The following SCHIP1 variants were observed in gnomAD, a reference collection of about 807,000 sequenced individuals.
SCHIP1 encodes schwannomin-interacting protein 1.
Under a neutral mutation model 29.7 loss-of-function variants are expected in SCHIP1, and 8 were observed. The ratio of observed to expected loss-of-function variants is 0.27; its 90% CI spans 0.16 to 0.49. The LOEUF (loss-of-function observed/expected upper bound fraction) is 0.49, where lower values mean the gene tolerates loss of function less well. Ranked by LOEUF, SCHIP1 falls within the 20% of genes least tolerant of loss-of-function variation. The pLI, the probability that SCHIP1 is intolerant of heterozygous loss-of-function variation, is 0.99. For synonymous variants in SCHIP1, 76 were observed against 94.9 expected (o/e 0.80, Z 1.16); for missense variants, 193 against 294.6 (o/e 0.66, Z 2.52).
the SCHIP1 span, among the ~76,000 whole-genome samples, chr3:159,477,769 T>A: frequency 6.6e-6 from 1 of 152,174 alleles, no homozygotes; most frequent in Non-Finnish European, 1.5e-5. Flanking sequence ...GTGCAAAAAC[T>A]TTTTAGCTTG....
the SCHIP1 span, among the ~76,000 whole-genome samples, chr3:159,724,928 G>A: frequency 6.6e-6 from 1 of 152,214 alleles, no homozygotes; most frequent in African/African-American, 2.4e-5. Flanking sequence ...TGTTTTTACT[G>A]AGATGCATTT....
chr3:159,610,722 G>T, the SCHIP1 span, among the ~76,000 whole-genome samples: 1 of 152,002 alleles, frequency 6.6e-6, no homozygotes. Context: ...CCAGAGGTCT[G>T]GTATAGAATG....
the SCHIP1 span, among the ~76,000 whole-genome samples, chr3:159,637,958 A>G: frequency 3.3e-4 from 50 of 152,368 alleles, 2 homozygotes; most frequent in East Asian, 6.0e-3. Context: ...CATGTAGTCC[A>G]TCTATGTATC....
At chr3:159,693,976 C>G in the SCHIP1 span, among the ~76,000 whole-genome samples, 1 of 152,128 alleles carries the variant, frequency 6.6e-6, no homozygotes, top group Non-Finnish European at 1.5e-5. Flanking sequence ...TCGCTTTGTA[C>G]TTTACTCAGC....
At chr3:159,875,019 A>T (rs539070059) in intron 2 of SCHIP1, among the ~76,000 whole-genome samples, 4 of 62,816 alleles carry the variant, frequency 6.4e-5, no homozygotes, top group African/African-American at 2.9e-4. Context: ...TGGGTAGTCT[A>T]AAAAAAAAAA....
the SCHIP1 span, among the ~76,000 whole-genome samples, chr3:159,339,932 TG>T: frequency 1.3e-5 from 2 of 152,122 alleles, no homozygotes; most frequent in African/African-American, 4.8e-5. Flanking sequence ...TAAAATACAA[TG>T]ATGATTTTGA....
the SCHIP1 span, among the ~76,000 whole-genome samples, chr3:159,776,306 G>T: frequency 6.9e-6 from 1 of 143,904 alleles, no homozygotes. Context: ...ATTTTATTTT[G>T]AACAACTACA....
the SCHIP1 span, among the ~76,000 whole-genome samples, chr3:159,327,066 C>T: frequency 8.6e-5 from 13 of 152,032 alleles, no homozygotes; most frequent in African/African-American, 1.9e-4. Flanking sequence ...GGTTTTTATA[C>T]GGAGGAAAAT....
intron 2 of SCHIP1, among the ~76,000 whole-genome samples, chr3:159,879,722 C>T (rs573871673): frequency 6.6e-6 from 1 of 152,246 alleles, no homozygotes; most frequent in African/African-American, 2.4e-5. Context: ...AATTTAATTA[C>T]ATGAAAGTGG....
chr3:159,630,047 G>T, the SCHIP1 span, among the ~76,000 whole-genome samples: 1 of 152,166 alleles, frequency 6.6e-6, no homozygotes, highest in Non-Finnish European at 1.5e-5. Flanking sequence ...GAAAGACAGT[G>T]GCAGCCAAAG....
At chr3:159,566,492 G>A in the SCHIP1 span, among the ~76,000 whole-genome samples, 1 of 152,066 alleles carries the variant, frequency 6.6e-6, no homozygotes, top group Non-Finnish European at 1.5e-5. Context: ...TAAATAGAAT[G>A]TACATTATGT....
chr3:159,822,949 G>A, the SCHIP1 span, among the ~76,000 whole-genome samples: 4 of 152,138 alleles, frequency 2.6e-5, no homozygotes, highest in African/African-American at 9.6e-5. Flanking sequence ...CACCTCTTGA[G>A]AGCCATAGGA....
chr3:159,877,368 G>C (rs955662021), intron 2 of SCHIP1, among the ~76,000 whole-genome samples: 1 of 152,112 alleles, frequency 6.6e-6, no homozygotes, highest in Non-Finnish European at 1.5e-5. Context: ...AAAAAATAAA[G>C]ACTGCAAAAT....
chr3:159,754,854 G>A, the SCHIP1 span, among the ~76,000 whole-genome samples: 1 of 152,196 alleles, frequency 6.6e-6, no homozygotes, highest in African/African-American at 2.4e-5. Context: ...GATGAAACCT[G>A]CTTTTCATTC....
the SCHIP1 span, among the ~76,000 whole-genome samples, chr3:159,687,097 A>C: frequency 1.3e-5 from 2 of 152,148 alleles, no homozygotes; most frequent in African/African-American, 4.8e-5. Context: ...TAGAAAACAT[A>C]GAAAATTTTC....
the SCHIP1 span, among the ~76,000 whole-genome samples, chr3:159,833,121 C>A: frequency 2.0e-5 from 3 of 152,156 alleles, no homozygotes; most frequent in Non-Finnish European, 4.4e-5. Flanking sequence ...AGTTAGTTTT[C>A]TATTTCTGCT....
the SCHIP1 span, among the ~76,000 whole-genome samples, chr3:159,625,203 C>T: frequency 6.6e-6 from 1 of 152,196 alleles, no homozygotes; most frequent in Non-Finnish European, 1.5e-5. Context: ...AAATCTCCCA[C>T]TTCCTAACCC....
intron 2 of SCHIP1, among the ~76,000 whole-genome samples, chr3:159,884,381 G>GTC (rs1553799566): frequency 2.6e-5 from 4 of 151,012 alleles, no homozygotes; most frequent in Middle Eastern, 3.2e-3. Flanking sequence ...GTGTGTGTGT[G>GTC]TGTGTGTGTT....
the SCHIP1 span, among the ~76,000 whole-genome samples, chr3:159,445,462 A>G: frequency 1.3e-5 from 2 of 151,892 alleles, no homozygotes; most frequent in South Asian, 2.1e-4. Flanking sequence ...TGTGGAAGTC[A>G]GTGTGGCGAT....
Sources: allele counts gnomAD v4.1 joint callset (sites outside exome capture counted in the v4.1 genomes callset), GRCh38; gene constraint gnomAD v4.1.1; transcripts MANE v1.5; gene names NCBI Gene and HGNC (gene_info 2026-07-23, HGNC 2026-07-21).